The following MLLT6 variants were observed in gnomAD, a reference collection of about 807,000 sequenced individuals.
MLLT6 encodes the protein protein AF-17.
MLLT6 carries 22 observed loss-of-function variants against 103.0 expected under a neutral mutation model. That is an observed-to-expected ratio of 0.21 (90% CI 0.15 to 0.31). The LOEUF (loss-of-function observed/expected upper bound fraction) is 0.31, where lower values mean the gene tolerates loss of function less well. Among genes scored for constraint, MLLT6 ranks in the 10% least tolerant of loss-of-function variants. The pLI is 1.00. For missense variants in MLLT6, 1,199 were observed against 1,441.7 expected (o/e 0.83, Z 2.73); for synonymous variants, 606 against 623.5 (o/e 0.97, Z 0.42).
rs1491191928 is a variant in MLLT6 at position 38,726,370 on chromosome 17, CAT to C, written c.*773_*774del. 122 of 220,222 alleles carry C rather than the reference CAT, an allele frequency of 5.5e-4. No homozygotes were observed. Among genetic ancestry groups the C allele is most frequent in the African/African-American group, 2.2e-3 (88 of 39,788 alleles). The allele number at this position is 220,222 out of a possible 1,614,324, so 13.6% of individuals were successfully genotyped here. On this transcript the variant is annotated 3_prime_UTR_variant, in exon 20 of 20. Transcript: ENST00000621332. ...CAGTGTGTGAGTGTGTGTGTGCGTG[CAT>C]GTGTGTGTGTGTGTGTGTGTGTGTG...
chr17:38,726,699 C>T lies in MLLT6; in HGVS notation c.*1101C>T, dbSNP rs1955444859. 1 of 233,550 alleles carries T rather than the reference C, an allele frequency of 4.3e-6. No homozygotes were observed. Among genetic ancestry groups the T allele is most frequent in the Non-Finnish European group, 8.5e-6 (1 of 118,028 alleles). The allele number at this position is 233,550 out of a possible 1,614,324, so 14.5% of individuals were successfully genotyped here. On this transcript the variant is annotated 3_prime_UTR_variant, in exon 20 of 20. Transcript: ENST00000621332. ...TTAGGGCCCCCTACCCCACTGATAG[C>T]TTCCTCCTTCTCTGGCACAAGGGGA...
chr17:38,711,568 C>T (rs1288436145), intron 6 of MLLT6, among the ~76,000 whole-genome samples: 1 of 152,134 alleles, frequency 6.6e-6, no homozygotes, highest in Non-Finnish European at 1.5e-5. Context: ...CCAGTCTCAC[C>T]TCCACCTGGG....
At position 38,711,952 on chromosome 17, in the gene MLLT6, T is replaced by G; in HGVS notation, c.658T>G (p.Ser220Ala). ...SGFISGRRSR[S>A]ASPSTQQEKH... ...TTTCATCTCTGGGAGGAGAAGCCGG[T>G]CAGCCTCACCATCCACGCAGCAGGA... is the stretch of plus-strand genomic sequence containing the variant. Residue 220 changes from serine (S) to alanine (A), a missense_variant, in exon 7 of 20, where the codon TCA (serine) becomes GCA (alanine). Coordinates refer to ENST00000621332, the MANE Select transcript of MLLT6 (RefSeq NM_005937.4). 6.2e-7 allele frequency: 1 copy of G among 1,609,504 alleles called. No homozygotes were observed. The highest frequency in any genetic ancestry group is 8.5e-7 in the Non-Finnish European group (1 of 1,177,492).
At chr17:38,711,540 G>A (rs956925169) in intron 6 of MLLT6, among the ~76,000 whole-genome samples, 2 of 152,262 alleles carry the variant, frequency 1.3e-5, no homozygotes. Context: ...ACCATGGAGA[G>A]AATGAAAGAC....
Position 38,709,206 on chromosome 17 carries a change from A to G in MLLT6, c.388A>G (p.Ser130Gly). Residue 130 changes from serine to glycine, a missense_variant, in exon 5 of 20, where the codon AGC becomes GGC. Coordinates refer to ENST00000621332, the MANE Select transcript of MLLT6 (RefSeq NM_005937.4). The surrounding 1 kb of genome is among the most constrained non-coding windows in gnomAD (Gnocchi z 4.3). ...CYICEEQGRE[S>G]KAASGACMTC... is the part of the protein sequence containing the mutation. ...CATCTGCGAGGAGCAGGGCCGGGAG[A>G]GCAAGGCGGCCTCGGGAGCCTGCAT... The G allele has an allele frequency of 1.2e-6, 2 of 1,611,956 alleles. No homozygotes were observed. Among genetic ancestry groups the G allele is most frequent in the Non-Finnish European group, 1.7e-6 (2 of 1,179,256 alleles).
rs528152421 is a variant in MLLT6, at chr17:38,726,019, T to C, written c.*421T>C. 2.5e-4 allele frequency: 64 copies of C among 252,466 alleles called. No individual in the cohort carries two copies. Among genetic ancestry groups the C allele is most frequent in the Non-Finnish European group, 4.0e-4 (52 of 131,482 alleles). 15.6% of individuals were successfully genotyped at this position (252,466 alleles called of 1,614,324 possible). On this transcript the variant is annotated 3_prime_UTR_variant, in exon 20 of 20. Coordinates refer to ENST00000621332, the MANE Select transcript of MLLT6 (RefSeq NM_005937.4). ...GGGCCTGTCCCTGCGGGGAAATCTT[T>C]TATGGAAGAAGGGCTGGACCCACTT...
At chr17:38,705,788 G>A in intron 1 of MLLT6, 47 bp downstream of exon 1, 3 of 929,918 alleles carry the variant, frequency 3.2e-6, no homozygotes, top group Non-Finnish European at 4.2e-6. Context: ...GGGGCGGCGT[G>A]CGCGGGGCGC....
At position 38,719,528 on chromosome 17, in the gene MLLT6, G is replaced by C. The variant is rs755272773; in HGVS notation, c.1954G>C (p.Glu652Gln). Residue 652 changes from glutamate (E) to glutamine (Q), a missense_variant, in exon 13 of 20, where the codon GAG becomes CAG. Glu to Gln is a conservative substitution (Grantham distance 29, BLOSUM62 2). Coordinates refer to ENST00000621332, the MANE Select transcript of MLLT6 (RefSeq NM_005937.4). ...AESSHTEPDL[E>Q]DCSFRCRGTS... Reference sequence around the variant, plus strand: ...TCCCTTCTTCCAAGAGCCAGACCTGGAGGACTGCAGCTTCCGGTGTCGGGG... The same window carrying C: ...TCCCTTCTTCCAAGAGCCAGACCTGCAGGACTGCAGCTTCCGGTGTCGGGG... 6.2e-6 allele frequency: 10 copies of C among 1,610,958 alleles called. No individual in the cohort carries two copies. The African/African-American group carries it at 9.3e-5, about 15-fold the overall frequency.
intron 9 of MLLT6, 101 bp downstream of exon 9, chr17:38,715,929 C>A (rs1009671246): frequency 1.3e-5 from 13 of 1,030,502 alleles, no homozygotes; most frequent in South Asian, 3.1e-5. Flanking sequence ...ATCTCATTTA[C>A]TTCTCCATTG....
At position 38,716,214 on chromosome 17, in the gene MLLT6, A is replaced by T; in HGVS notation, c.1037-153A>T. Reference sequence around the variant, plus strand: ...TGGGAAAGCTGGAGGGGTCGGGGGTACTCATCCCAGGACACAGACAGTGGC... The same window carrying T: ...TGGGAAAGCTGGAGGGGTCGGGGGTTCTCATCCCAGGACACAGACAGTGGC... On this transcript the variant is annotated intron_variant, in intron 9 of 19. Transcript: ENST00000621332. The surrounding 1 kb of genome is among the most constrained non-coding windows in gnomAD (Gnocchi z 5.6). 2 of 763,930 alleles carry T rather than the reference A, an allele frequency of 2.6e-6. No homozygotes were observed. The highest frequency in any genetic ancestry group is 4.1e-6 in the Non-Finnish European group (2 of 483,688). The allele number at this position is 763,930 out of a possible 1,614,324, so 47.3% of individuals were successfully genotyped here. A position where few individuals can be genotyped will look rare whatever the true frequency, so the allele number is the denominator to read the frequency against.
chr17:38,723,663 T>C (rs1905874920), intron 18 of MLLT6, among the ~76,000 whole-genome samples: 1 of 152,038 alleles, frequency 6.6e-6, no homozygotes, highest in Non-Finnish European at 1.5e-5. Context: ...ACATTAAGAA[T>C]GCTTTGCCTA....
At chr17:38,723,835 C>T (rs995381211) in intron 18 of MLLT6, among the ~76,000 whole-genome samples, 2 of 151,454 alleles carry the variant, frequency 1.3e-5, no homozygotes, top group Non-Finnish European at 1.5e-5. Flanking sequence ...CTCCGCCTCC[C>T]GGGTTCAAGG....
In MLLT6 at chr17:38,707,879, G is replaced by GA. The variant is rs1904996962; in HGVS notation, c.354+7_354+8insA. 4 of 1,579,764 alleles carry GA rather than the reference G, an allele frequency of 2.5e-6. No individual in the cohort carries two copies. In the African/African-American group the frequency reaches 5.4e-5, roughly 21 times the overall value. On this transcript the variant is annotated splice_region_variant and intron_variant, in intron 4 of 19. Coordinates refer to ENST00000621332, the MANE Select transcript of MLLT6 (RefSeq NM_005937.4). The stretch of plus-strand genomic sequence containing the variant: ...TCATGATCGCTTCAACAAGGTCAGC[G>GA]GCCCCCCGCCGTGTCCCCTACCAGT...
rs141763661 is a variant in MLLT6 at position 38,724,258 on chromosome 17, A to G, written c.2884-362A>G. On this transcript the variant is annotated intron_variant, in intron 18 of 19. Transcript: ENST00000621332. The surrounding 1 kb of genome is among the most constrained non-coding windows in gnomAD (Gnocchi z 5.4). The stretch of plus-strand genomic sequence containing the variant: ...GTGACAGAGCAAGACTCCGTCTCAC[A>G]AAAAGAAAAGAAAAGAAAAGAAAAC... 48 of 205,540 alleles carry G rather than the reference A, an allele frequency of 2.3e-4. No individual in the cohort carries two copies. Among genetic ancestry groups the G allele is most frequent in the African/African-American group, 8.3e-4 (36 of 43,536 alleles). 12.7% of individuals were successfully genotyped at this position (205,540 alleles called of 1,614,324 possible).
At chr17:38,714,214 A>T (rs1355055352) in intron 8 of MLLT6, 1 of 152,264 alleles carries the variant, frequency 6.6e-6, no homozygotes, top group Non-Finnish European at 1.5e-5. Flanking sequence ...GCCTAAAAGC[A>T]CACAGCTAGT....
At chr17:38,718,091 C>T (rs1323604296) in intron 12 of MLLT6, 138 bp downstream of exon 12, 3 of 640,284 alleles carry the variant, frequency 4.7e-6, no homozygotes, top group East Asian at 5.5e-5. Context: ...CAAAAACAAA[C>T]AGGCCGGGTG....
At position 38,724,991 on chromosome 17, in the gene MLLT6, CG is replaced by C. The variant is rs1016350247; in HGVS notation, c.3240+19del. 7 of 1,476,144 alleles carry C rather than the reference CG, an allele frequency of 4.7e-6. No individual in the cohort carries two copies. Among genetic ancestry groups the C allele is most frequent in the East Asian group, 2.5e-5 (1 of 40,188 alleles). The allele number at this position is 1,476,144 out of a possible 1,614,324, so 91.4% of individuals were successfully genotyped here. Reference sequence around the variant, plus strand: ...CCAAAGGAGGGGTGAGTAAGGGGCCCGGGGCCTTCCTGCCTCCCCTCTGAGG... The same window carrying C: ...CCAAAGGAGGGGTGAGTAAGGGGCCCGGGCCTTCCTGCCTCCCCTCTGAGG... On this transcript the variant is annotated intron_variant, in intron 19 of 19. Coordinates refer to ENST00000621332, the MANE Select transcript of MLLT6 (RefSeq NM_005937.4). The surrounding 1 kb of genome is among the most constrained non-coding windows in gnomAD (Gnocchi z 5.4).
rs1265467378 is a variant in MLLT6, at chr17:38,711,883, G to C, written c.589G>C (p.Gly197Arg). The C allele has an allele frequency of 6.3e-7, 1 of 1,597,386 alleles. No homozygotes were observed. Among genetic ancestry groups the C allele is most frequent in the African/African-American group, 1.3e-5 (1 of 74,310 alleles). ...SRHSSGGGGG[G>R]AGGGGGSMGG... ...GCACAGCAGCGGGGGAGGCGGAGGA[G>C]GCGCTGGAGGAGGAGGTGGCAGCAT... The change falls in exon 7 of 20, where the codon GGC becomes CGC. Residue 197 changes from glycine (G) to arginine (R), a missense_variant. This residue lies in a region of MLLT6 where 1,034 missense variants were observed against 1,091.5 expected (regional missense o/e 0.95). Coordinates refer to ENST00000621332, the MANE Select transcript of MLLT6 (RefSeq NM_005937.4).
At position 38,725,401 on chromosome 17, in the gene MLLT6, G is replaced by A. The variant is rs141932969; in HGVS notation, c.3241-156G>A. On this transcript the variant is annotated intron_variant, in intron 19 of 19. Transcript: ENST00000621332. ...GGGTGGTTTCACACCCCTGCGCATC[G>A]GCCCTGGTGCACACCCCTCAGAGCC... 1.4e-4 allele frequency: 93 copies of A among 664,694 alleles called. No individual in the cohort carries two copies. In the East Asian group the frequency reaches 1.8e-3, roughly 13 times the overall value. 41.2% of individuals were successfully genotyped at this position (664,694 alleles called of 1,614,324 possible). A position where few individuals can be genotyped will look rare whatever the true frequency, so the allele number is the denominator to read the frequency against.
Sources: gnomAD v4.1 joint callset for allele counts (sites outside exome capture counted in the v4.1 genomes callset) on GRCh38, gnomAD v4.1.1 for gene constraint, gnomAD v4.1.1 regional missense constraint, Gnocchi (gnomAD v3.1) non-coding constraint, MANE v1.5 for transcripts, NCBI Gene and HGNC (gene_info 2026-07-23, HGNC 2026-07-21) for gene names.